Variants in SHANK2 observed in about 807,000 individuals in gnomAD.
The protein encoded by SHANK2 is SH3 and multiple ankyrin repeat domains 2.
A neutral mutation model predicts 133.7 loss-of-function variants in SHANK2; 43 were observed. The ratio of observed to expected loss-of-function variants is 0.32; its 90% confidence interval spans 0.25 to 0.41. SHANK2 has a LOEUF of 0.41. Among genes scored for constraint, SHANK2 ranks in the 10% least tolerant of loss-of-function variants. SHANK2 has a pLI of 1.00. For synonymous variants in SHANK2, 1,017 were observed against 952.8 expected (o/e 1.07, Z -1.24); for missense variants, 1,994 against 2,235.8 (o/e 0.89, Z 2.18).
rs1400371634 is a variant in SHANK2, at chr11:71,154,840, A to C, written c.-12-7502T>G. The stretch of plus-strand genomic sequence containing the variant: ...GACCTACCCCAGCCCACGCTCCCAG[A>C]GGAGGGATGGACCTACCCCCGCCCA... On this transcript the variant is annotated intron_variant, in intron 2 of 25. Transcript: ENST00000601538. 2.0e-4 allele frequency among the ~76,000 whole-genome samples: 23 copies of C among 115,644 alleles called. 1 individual carries two copies. The South Asian group carries it at 2.8e-3, about 14-fold the overall frequency. 75.9% of individuals were successfully genotyped at this position (115,644 alleles called of 152,430 possible).
At chr11:70,888,740 C>G (rs1419600177) in intron 11 of SHANK2, among the ~76,000 whole-genome samples, 3 of 152,074 alleles carry the variant, frequency 2.0e-5, no homozygotes, top group Admixed American at 1.3e-4. Flanking sequence ...TCGCTTGAAC[C>G]TGGGAGGTGG....
intron 14 of SHANK2, among the ~76,000 whole-genome samples, chr11:70,704,022 A>G (rs142801331): frequency 6.8e-4 from 103 of 152,314 alleles, no homozygotes; most frequent in African/African-American, 2.4e-3. Context: ...AGCGGGGACA[A>G]TGCCGCCCTA....
At chr11:70,695,261 G>A (rs979065913) in intron 15 of SHANK2, among the ~76,000 whole-genome samples, 9 of 151,842 alleles carry the variant, frequency 5.9e-5, no homozygotes, top group Non-Finnish European at 1.2e-4. Flanking sequence ...CACAGTGAAT[G>A]TCTTAATACC....
At position 70,473,491 on chromosome 11, in the gene SHANK2, G is replaced by A; in HGVS notation, c.4980-52C>T. On this transcript the variant is annotated intron_variant, in intron 25 of 25. Transcript: ENST00000601538. This position sits in a 1 kb window ranked among gnomAD's most constrained non-coding sequence, Gnocchi z 5.9. ...TCACAAGGCAGGTCACCGAGTCAGG[G>A]CAGCTGGCTGCAGATCACCCAGGAA... is the stretch of plus-strand genomic sequence containing the variant. 6.4e-7 allele frequency: 1 copy of A among 1,570,610 alleles called. No individual in the cohort carries two copies. Among genetic ancestry groups the A allele is most frequent in the East Asian group, 2.2e-5 (1 of 44,548 alleles).
rs150017321 is a variant in SHANK2 at position 71,188,468 on chromosome 11, C to T, written c.-13+36229G>A. 1.1e-3 allele frequency among the ~76,000 whole-genome samples: 162 copies of T among 152,216 alleles called. No homozygotes were observed. The highest frequency in any genetic ancestry group is 3.5e-3 in the African/African-American group (146 of 41,530). The stretch of plus-strand genomic sequence containing the variant: ...CCCCTCCCTCTGGGGAGAAGGACTT[C>T]GGCGCAAGGGAACAGGAAAACACTG... On this transcript the variant is annotated intron_variant, in intron 2 of 25. Coordinates refer to ENST00000601538, the MANE Select transcript of SHANK2 (RefSeq NM_012309.5). This position sits in a 1 kb window ranked among gnomAD's most constrained non-coding sequence, Gnocchi z 4.6.
chr11:70,816,107 C>T (rs1209718194), intron 12 of SHANK2, among the ~76,000 whole-genome samples: 2 of 152,326 alleles, frequency 1.3e-5, no homozygotes, highest in Non-Finnish European at 2.9e-5. Flanking sequence ...AAGATGAAGA[C>T]GACCCTAAGA....
chr11:71,187,447 G>A (rs572917918), intron 2 of SHANK2, among the ~76,000 whole-genome samples: 11 of 151,428 alleles, frequency 7.3e-5, no homozygotes, highest in Admixed American at 3.9e-4. Context: ...TGGGTTTCTC[G>A]TGTTTTATTC....
chr11:70,837,796 G>A (rs570743177), intron 11 of SHANK2, among the ~76,000 whole-genome samples: 23 of 151,772 alleles, frequency 1.5e-4, no homozygotes, highest in African/African-American at 3.9e-4. Flanking sequence ...CCAACATAGC[G>A]AAACCCTGTT....
intron 14 of SHANK2, among the ~76,000 whole-genome samples, chr11:70,787,009 GACC>G (rs1159864242): frequency 2.2e-5 from 3 of 136,762 alleles, no homozygotes; most frequent in South Asian, 2.4e-4. Flanking sequence ...GCATCACCAC[GACC>G]ACCATCACCA....
chr11:70,682,974 G>A (rs1156542184), intron 15 of SHANK2, among the ~76,000 whole-genome samples: 1 of 152,022 alleles, frequency 6.6e-6, no homozygotes, highest in African/African-American at 2.4e-5. Context: ...CAGATTGGCT[G>A]GAGAAGGGCA....
chr11:70,547,077 C>T (rs559717920), intron 17 of SHANK2, among the ~76,000 whole-genome samples: 38 of 152,216 alleles, frequency 2.5e-4, no homozygotes, highest in Non-Finnish European at 4.9e-4. Flanking sequence ...TACCCAGAAT[C>T]TCCCTCACCC....
intron 14 of SHANK2, among the ~76,000 whole-genome samples, chr11:70,754,482 T>A (rs782014286): frequency 1.3e-5 from 2 of 152,154 alleles, no homozygotes; most frequent in Non-Finnish European, 2.9e-5. Context: ...AGCCACCATA[T>A]AAACAAACTA....
At chr11:70,639,565 T>C (rs1295506340) in intron 17 of SHANK2, among the ~76,000 whole-genome samples, 1 of 152,194 alleles carries the variant, frequency 6.6e-6, no homozygotes, top group African/African-American at 2.4e-5. Flanking sequence ...ATTTTTCAGG[T>C]GACACAGACC....
rs939414334 is a variant in SHANK2, at chr11:71,175,291, G to C, written c.-12-27953C>G. 6.6e-6 allele frequency among the ~76,000 whole-genome samples: 1 copy of C among 152,278 alleles called. No individual in the cohort carries two copies. The highest frequency in any genetic ancestry group is 1.5e-5 in the Non-Finnish European group (1 of 68,018). On this transcript the variant is annotated intron_variant, in intron 2 of 25. Coordinates refer to ENST00000601538, the MANE Select transcript of SHANK2 (RefSeq NM_012309.5). The surrounding 1 kb of genome is among the most constrained non-coding windows in gnomAD (Gnocchi z 4.2). ...ATGGGCATGGGAACAACACAGCTGA[G>C]CATGACAGGTCGCCCCAGGAAATGC...
At chr11:70,732,469 C>T (rs1478920457) in intron 14 of SHANK2, among the ~76,000 whole-genome samples, 4 of 152,232 alleles carry the variant, frequency 2.6e-5, no homozygotes, top group African/African-American at 4.8e-5. Flanking sequence ...GAACCCATCA[C>T]ATCTCTTGCC....
At chr11:70,625,457 C>G (rs563256798) in intron 17 of SHANK2, among the ~76,000 whole-genome samples, 2 of 152,088 alleles carry the variant, frequency 1.3e-5, no homozygotes, top group South Asian at 4.1e-4. Flanking sequence ...GTCAGACTGT[C>G]CAGCAGTCAA....
chr11:70,796,401 G>A (rs1447643670), intron 14 of SHANK2, among the ~76,000 whole-genome samples: 4 of 152,222 alleles, frequency 2.6e-5, no homozygotes, highest in East Asian at 3.9e-4. Context: ...AACAAAGCCC[G>A]GTGCTGGCAC....
At chr11:70,843,289 G>A (rs1480882215) in intron 11 of SHANK2, among the ~76,000 whole-genome samples, 1 of 116,026 alleles carries the variant, frequency 8.6e-6, no homozygotes, top group Non-Finnish European at 1.8e-5. Flanking sequence ...GGGCTGGGCT[G>A]CTAAAGGGTG....
chr11:70,508,121 C>T (rs1305151879), intron 17 of SHANK2, among the ~76,000 whole-genome samples: 1 of 152,240 alleles, frequency 6.6e-6, no homozygotes, highest in Admixed American at 6.5e-5. Flanking sequence ...CCTGGCCGCA[C>T]TGACAGCCTG....
Sources: allele counts gnomAD v4.1 joint callset (sites outside exome capture counted in the v4.1 genomes callset), GRCh38; gene constraint gnomAD v4.1.1; non-coding constraint Gnocchi (gnomAD v3.1); transcripts MANE v1.5; gene names NCBI Gene and HGNC (gene_info 2026-07-23, HGNC 2026-07-21).